The following NDUFAF6 variants were observed in gnomAD, a reference collection of about 807,000 sequenced individuals.
NDUFAF6 encodes NADH:ubiquinone oxidoreductase complex assembly factor 6.
NDUFAF6 carries 45 observed loss-of-function variants against 40.8 expected under a neutral mutation model. That is an observed-to-expected ratio of 1.10 (90% CI 0.87 to 1.42). The LOEUF (loss-of-function observed/expected upper bound fraction) is 1.42. NDUFAF6 is among the 40% of genes most tolerant of loss of function. The probability of loss-of-function intolerance (pLI) is 0.00; values close to 1 mark genes in which losing one functional copy is unlikely to be tolerated. For synonymous variants in NDUFAF6, 185 were observed against 155.9 expected, an observed-to-expected ratio of 1.19 and a Z score of -1.39; for missense variants, 435 against 418.5, an observed-to-expected ratio of 1.04 and a Z score of -0.34.
At chr8:95,046,004 A>T (rs1830705845) in intron 5 of NDUFAF6, among the ~76,000 whole-genome samples, 1 of 151,804 alleles carries the variant, frequency 6.6e-6, no homozygotes, top group African/African-American at 2.4e-5. Flanking sequence ...TTATCCATGG[A>T]AAAAGAAAAG....
chr8:95,015,202 A>C (rs1218020384), intron 2 of NDUFAF6, among the ~76,000 whole-genome samples: 1 of 152,112 alleles, frequency 6.6e-6, no homozygotes, highest in Non-Finnish European at 1.5e-5. Flanking sequence ...GACCTCCTGG[A>C]GTTGTGCAGT....
At chr8:95,065,353 C>T (rs191757054) in intron 9 of NDUFAF6, among the ~76,000 whole-genome samples, 21 of 152,204 alleles carry the variant, frequency 1.4e-4, no homozygotes, top group Admixed American at 7.2e-4. Flanking sequence ...GGCTGGTGTC[C>T]GCTGCAGAAC....
upstream of NDUFAF6, among the ~76,000 whole-genome samples, chr8:94,957,674 C>T (rs765948240): frequency 2.6e-5 from 4 of 152,114 alleles, no homozygotes; most frequent in African/African-American, 7.2e-5. Flanking sequence ...TGAGAATGAC[C>T]TTGTAGTCTA....
chr8:94,923,846 A>ATTT (rs35262371), intron 1 of NDUFAF6, among the ~76,000 whole-genome samples: 1 of 143,470 alleles, frequency 7.0e-6, no homozygotes, highest in Non-Finnish European at 1.5e-5. Flanking sequence ...CGCCCGACTA[A>ATTT]TTTTTTTTTT....
intron 2 of NDUFAF6, among the ~76,000 whole-genome samples, chr8:94,948,528 G>A (rs1398831691): frequency 1.3e-5 from 2 of 152,218 alleles, no homozygotes; most frequent in Non-Finnish European, 1.5e-5. Context: ...ACAGGCCGCG[G>A]ACAGGCGGGG....
At chr8:94,949,111 G>T (rs1822302167) in intron 2 of NDUFAF6, 1 of 147,144 alleles carries the variant, frequency 6.8e-6, no homozygotes, top group Admixed American at 6.8e-5. Flanking sequence ...CGGCAGCGAG[G>T]CGGCCCTGGA....
At chr8:94,958,421 C>T (rs965044614) in intron 1 of NDUFAF6, among the ~76,000 whole-genome samples, 8 of 151,754 alleles carry the variant, frequency 5.3e-5, no homozygotes, top group South Asian at 2.1e-4. Flanking sequence ...GCATCCTAAT[C>T]TCCTCTTCTC....
At position 95,091,356 on chromosome 8, in the gene NDUFAF6, A is replaced by T. The variant is rs548751025; in HGVS notation, n.214-9776A>T. ...GAAGAGCCTCTTATAAAACCATCAG[A>T]TCTCATGAGAACTCGCTCACTATCA... On this transcript the variant is annotated intron_variant and non_coding_transcript_variant, in intron 2 of 5. Transcript: ENST00000523184. 2.6e-5 allele frequency among the ~76,000 whole-genome samples: 4 copies of T among 152,064 alleles called. No homozygotes were observed. The East Asian group carries it at 7.8e-4, about 30-fold the overall frequency.
At chr8:94,945,985 T>G (rs775719781) in intron 2 of NDUFAF6, among the ~76,000 whole-genome samples, 2 of 152,168 alleles carry the variant, frequency 1.3e-5, no homozygotes, top group African/African-American at 2.4e-5. Context: ...AAAAAATAAA[T>G]TATGTCTTTT....
rs1391270243 is a variant in NDUFAF6, at chr8:95,052,245, A to T, written c.873+15A>T. 2 of 1,612,434 alleles carry T rather than the reference A, an allele frequency of 1.2e-6. No individual in the cohort carries two copies. The highest frequency in any genetic ancestry group is 2.7e-5 in the African/African-American group (2 of 74,902). Reference sequence around the variant, plus strand: ...TTCTTCAGACGGTAAGTAGATTAACAGAGAAGGCTGTATAATTAGTGAAGC... The same window carrying T: ...TTCTTCAGACGGTAAGTAGATTAACTGAGAAGGCTGTATAATTAGTGAAGC... On this transcript the variant is annotated intron_variant, in intron 8 of 8. Coordinates refer to ENST00000396124, the MANE Select transcript of NDUFAF6 (RefSeq NM_152416.4).
upstream of NDUFAF6, among the ~76,000 whole-genome samples, chr8:95,096,888 CTG>C (rs989049803): frequency 1.2e-4 from 19 of 152,272 alleles, no homozygotes; most frequent in Admixed American, 4.6e-4. Flanking sequence ...GGGGTTGGTT[CTG>C]TGTTTGCCAT....
intron 1 of NDUFAF6, chr8:94,939,569 GTTA>G (rs1482789694): frequency 6.0e-6 from 2 of 332,170 alleles, no homozygotes; most frequent in East Asian, 1.5e-4. Context: ...CTAATTTTTT[GTTA>G]TTTTTTGTAC....
intron 9 of NDUFAF6, among the ~76,000 whole-genome samples, chr8:95,070,416 T>C (rs1483566811): frequency 8.5e-5 from 13 of 152,234 alleles, no homozygotes; most frequent in Admixed American, 7.9e-4. Context: ...GAAAACCAGG[T>C]CACTAGATTT....
At chr8:94,940,374 C>A (rs1821413039) in intron 1 of NDUFAF6, among the ~76,000 whole-genome samples, 1 of 152,054 alleles carries the variant, frequency 6.6e-6, no homozygotes, top group South Asian at 2.1e-4. Flanking sequence ...CACGTATCTT[C>A]TTTTATTTAG....
chr8:95,032,453 T>G (rs1009108481), intron 2 of NDUFAF6, among the ~76,000 whole-genome samples: 1 of 152,252 alleles, frequency 6.6e-6, no homozygotes, highest in African/African-American at 2.4e-5. Flanking sequence ...TAGCAGTTTT[T>G]CAAAGCATTT....
chr8:95,044,225 G>A (rs56372680), intron 4 of NDUFAF6, among the ~76,000 whole-genome samples: 2 of 152,018 alleles, frequency 1.3e-5, no homozygotes, highest in Non-Finnish European at 2.9e-5. Flanking sequence ...GGCTGAGGAG[G>A]GGGGGAAATG....
downstream of NDUFAF6, among the ~76,000 whole-genome samples, chr8:95,105,928 G>A (rs1809830850): frequency 6.6e-6 from 1 of 152,156 alleles, no homozygotes; most frequent in Non-Finnish European, 1.5e-5. Context: ...GAGTCACCTT[G>A]CCTGGCCTAG....
chr8:95,047,922 T>C (rs1413343593), intron 6 of NDUFAF6, among the ~76,000 whole-genome samples: 1 of 151,912 alleles, frequency 6.6e-6, no homozygotes, highest in Non-Finnish European at 1.5e-5. Context: ...AACATCTTGT[T>C]GTGGCCAGGT....
chr8:94,930,375 G>GTT, intron 1 of NDUFAF6: 3 of 1,464,092 alleles, frequency 2.0e-6, no homozygotes, highest in Non-Finnish European at 2.8e-6. Flanking sequence ...TATGTGATTG[G>GTT]TTATCAATTG....
Sources: allele counts gnomAD v4.1 joint callset (sites outside exome capture counted in the v4.1 genomes callset), GRCh38; gene constraint gnomAD v4.1.1; transcripts MANE v1.5; gene names NCBI Gene and HGNC (gene_info 2026-07-23, HGNC 2026-07-21).